The following BNC2 variants were observed in gnomAD, a reference collection of about 807,000 sequenced individuals.
BNC2 encodes basonuclin zinc finger protein 2.
A neutral mutation model predicts 76.3 loss-of-function variants in BNC2; 20 were observed. The ratio of observed to expected loss-of-function variants is 0.26; its 90% CI spans 0.18 to 0.38. The LOEUF (loss-of-function observed/expected upper bound fraction) is 0.38, where lower values mean the gene tolerates loss of function less well. Ranked by LOEUF, BNC2 falls within the 10% of genes least tolerant of loss-of-function variation. The pLI, the probability that BNC2 is intolerant of heterozygous loss-of-function variation, is 1.00. For missense variants in BNC2, 1,382 were observed against 1,399.8 expected (o/e 0.99, Z 0.20); for synonymous variants, 582 against 514.8 (o/e 1.13, Z -1.77).
At chr9:16,678,284 T>TTC in intron 3 of BNC2, among the ~76,000 whole-genome samples, 1 of 132,802 alleles carries the variant, frequency 7.5e-6, no homozygotes, top group East Asian at 2.2e-4. Flanking sequence ...TTTTTTTTTT[T>TTC]TTTTTTTTTT....
intron 5 of BNC2, among the ~76,000 whole-genome samples, chr9:16,481,957 T>C (rs1313676897): frequency 6.6e-6 from 1 of 152,216 alleles, no homozygotes; most frequent in East Asian, 1.9e-4. Context: ...GGGATCATTA[T>C]GTGAATTATA....
intron 1 of BNC2, among the ~76,000 whole-genome samples, chr9:16,843,640 T>C (rs569091274): frequency 2.6e-5 from 4 of 152,258 alleles, no homozygotes; most frequent in Non-Finnish European, 4.4e-5. Context: ...AGCCTACATA[T>C]TCTTAAGCTC....
intron 6 of BNC2, among the ~76,000 whole-genome samples, chr9:16,427,235 C>A (rs148169676): frequency 6.6e-6 from 1 of 152,192 alleles, no homozygotes; most frequent in African/African-American, 2.4e-5. Context: ...CAAACTGCCA[C>A]GCATAGGAGC....
At chr9:16,455,402 T>C (rs778577651) in intron 5 of BNC2, among the ~76,000 whole-genome samples, 8 of 152,222 alleles carry the variant, frequency 5.3e-5, no homozygotes, top group Non-Finnish European at 7.4e-5. Context: ...TATGGAGCTC[T>C]GCTCCTATAC....
intron 3 of BNC2, among the ~76,000 whole-genome samples, chr9:16,677,520 C>A (rs1315360793): frequency 6.6e-6 from 1 of 150,986 alleles, no homozygotes; most frequent in East Asian, 2.0e-4. Flanking sequence ...TTGCAGTGAG[C>A]CAAGATCGCG....
At chr9:16,539,668 GAGGGAGGGAGGAAGGA>G (rs1818246710) in intron 5 of BNC2, among the ~76,000 whole-genome samples, 4 of 52,140 alleles carry the variant, frequency 7.7e-5, no homozygotes, top group Admixed American at 5.0e-4. Flanking sequence ...GGGAGGGAGG[GAGGGAGGGAGGAAGGA>G]AGGAAGGGAG....
At chr9:16,848,276 C>T (rs1196130346) in intron 1 of BNC2, among the ~76,000 whole-genome samples, 3 of 152,176 alleles carry the variant, frequency 2.0e-5, no homozygotes, top group African/African-American at 4.8e-5. Flanking sequence ...CCAAGTCAAT[C>T]TACAAATGAA....
At chr9:16,459,713 T>A (rs1042246670) in intron 5 of BNC2, among the ~76,000 whole-genome samples, 1 of 152,114 alleles carries the variant, frequency 6.6e-6, no homozygotes, top group African/African-American at 2.4e-5. Context: ...AGATCCCACA[T>A]TGGAGAGAAC....
At chr9:16,569,233 T>G (rs936108349) in intron 4 of BNC2, among the ~76,000 whole-genome samples, 8 of 152,032 alleles carry the variant, frequency 5.3e-5, no homozygotes, top group African/African-American at 1.9e-4. Context: ...GGCCCTTGAT[T>G]TTTTTTCTCA....
intron 1 of BNC2, among the ~76,000 whole-genome samples, chr9:16,841,831 CAG>C (rs375928658): frequency 9.4e-4 from 9 of 9,524 alleles, no homozygotes; most frequent in South Asian, 0.017. Context: ...TTTTTTGAGA[CAG>C]AGTTTCACTC....
rs1396606941 is a variant in BNC2, at chr9:16,415,303, C to T, written c.*3686G>A. Reference sequence around the variant, plus strand: ...TCTTTCCATAGCATGCAGATATTCCCGAAAGCGGACTAAACCTGATATTTA... The same window carrying T: ...TCTTTCCATAGCATGCAGATATTCCTGAAAGCGGACTAAACCTGATATTTA... On this transcript the variant is annotated 3_prime_UTR_variant, in exon 7 of 7. Coordinates refer to ENST00000380672, the MANE Select transcript of BNC2 (RefSeq NM_017637.6). The T allele has an allele frequency of 6.6e-6, 1 of 152,482 alleles. No homozygotes were observed. The highest frequency in any genetic ancestry group is 1.9e-4 in the East Asian group (1 of 5,200). The allele number at this position is 152,482 out of a possible 1,614,324, so 9.4% of individuals were successfully genotyped here.
At chr9:16,491,574 C>A (rs1435368592) in intron 5 of BNC2, among the ~76,000 whole-genome samples, 1 of 152,072 alleles carries the variant, frequency 6.6e-6, no homozygotes, top group Non-Finnish European at 1.5e-5. Context: ...CTAAGAGAGC[C>A]TGGGAAATGG....
chr9:16,588,957 T>C (rs1253676007), intron 3 of BNC2, among the ~76,000 whole-genome samples: 2 of 152,216 alleles, frequency 1.3e-5, no homozygotes, highest in Admixed American at 6.5e-5. Context: ...GGGACACTTA[T>C]CCCAGTTATC....
intron 3 of BNC2, among the ~76,000 whole-genome samples, chr9:16,637,004 C>T (rs948542261): frequency 1.3e-5 from 2 of 151,636 alleles, no homozygotes; most frequent in Non-Finnish European, 2.9e-5. Context: ...GCTAGAAGAC[C>T]CTTAAGAGTA....
intron 3 of BNC2, among the ~76,000 whole-genome samples, chr9:16,611,963 A>G (rs550562604): frequency 6.6e-6 from 1 of 152,244 alleles, no homozygotes; most frequent in South Asian, 2.1e-4. Flanking sequence ...TAGACCACCT[A>G]ACTTCAATAA....
At chr9:16,758,531 G>A (rs558050069) in intron 1 of BNC2, among the ~76,000 whole-genome samples, 13 of 152,126 alleles carry the variant, frequency 8.5e-5, no homozygotes, top group South Asian at 6.2e-4. Flanking sequence ...GGGTTTCACC[G>A]TATTGGCCAG....
At chr9:16,814,062 A>G (rs1818121837) in intron 1 of BNC2, among the ~76,000 whole-genome samples, 1 of 152,202 alleles carries the variant, frequency 6.6e-6, no homozygotes, top group African/African-American at 2.4e-5. Context: ...AAGAATGGTG[A>G]CACGGACCAC....
At chr9:16,613,262 C>T (rs1820603234) in intron 3 of BNC2, among the ~76,000 whole-genome samples, 1 of 152,070 alleles carries the variant, frequency 6.6e-6, no homozygotes. Flanking sequence ...GTGTACTTTT[C>T]CAATTTTAAA....
rs1407219272 is a variant in BNC2, at chr9:16,583,080, G to A, written c.336C>T (p.Ile112=). ...ATGTGCAGTTTACCAGTGTGCAACG[G>A]ATGGCCTGAAAAATAAAGGAGGAAA... ...NLLFRMSQQA[I]RCTLVNCTCE... is the part of the protein sequence containing the mutation. The change falls in exon 4 of 7, where the codon ATC becomes ATT. Residue 112 remains isoleucine, a synonymous_variant. Transcript: ENST00000380672. 1.2e-5 allele frequency: 19 copies of A among 1,613,750 alleles called. No individual in the cohort carries two copies. The highest frequency in any genetic ancestry group is 2.2e-5 in the East Asian group (1 of 44,872).
Sources: allele counts gnomAD v4.1 joint callset (sites outside exome capture counted in the v4.1 genomes callset), GRCh38; gene constraint gnomAD v4.1.1; transcripts MANE v1.5; gene names NCBI Gene and HGNC (gene_info 2026-07-23, HGNC 2026-07-21).